Variants in IDH2 observed in about 807,000 individuals in gnomAD.
IDH2 encodes the protein isocitrate dehydrogenase [NADP], mitochondrial.
Under a neutral mutation model 50.5 loss-of-function variants are expected in IDH2, and 18 were observed. The observed-to-expected ratio is 0.36, with a 90% CI of 0.25 to 0.53. The LOEUF (loss-of-function observed/expected upper bound fraction) is 0.53, where lower values mean the gene tolerates loss of function less well. Ranked by LOEUF, IDH2 falls within the 20% of genes least tolerant of loss-of-function variation. The pLI, the probability that IDH2 is intolerant of heterozygous loss-of-function variation, is 0.92. For synonymous variants in IDH2, 280 were observed against 239.8 expected, an observed-to-expected ratio of 1.17 and a Z score of -1.55; for missense variants, 518 against 610.7, an observed-to-expected ratio of 0.85 and a Z score of 1.60.
In IDH2 at chr15:90,088,579, T is replaced by G. The variant is rs1458847012; in HGVS notation, c.534+8A>C. The G allele has an allele frequency of 6.2e-7, 1 of 1,614,200 alleles. No individual in the cohort carries two copies. Among genetic ancestry groups the G allele is most frequent in the African/African-American group, 1.3e-5 (1 of 75,062 alleles). On this transcript the variant is annotated splice_region_variant and intron_variant, in intron 4 of 10. Transcript: ENST00000330062. The stretch of plus-strand genomic sequence containing the variant: ...AGGTCAGTGGATCCCCTCTCCACCC[T>G]GGCCTACCTGGTCGCCATGGGCGTG...
intron 1 of IDH2, among the ~76,000 whole-genome samples, chr15:90,092,112 G>C (rs1021120298): frequency 4.6e-5 from 7 of 152,114 alleles, no homozygotes; most frequent in East Asian, 1.9e-4. Flanking sequence ...AGGACCCCCC[G>C]ATTGTACATT....
In IDH2 at chr15:90,085,652, G is replaced by A. The variant is rs899158045; in HGVS notation, c.968-265C>T. Among the ~76,000 whole-genome samples, 2 of 152,100 alleles carry A rather than the reference G, an allele frequency of 1.3e-5. No individual in the cohort carries two copies. Among genetic ancestry groups the A allele is most frequent in the African/African-American group, 4.8e-5 (2 of 41,416 alleles). ...TCCATCTGTGTCACCAGCTCCAGGC[G>A]CCCCACAGCCTGTGGCCCACAGGGC... On this transcript the variant is annotated intron_variant, in intron 7 of 10. Coordinates refer to ENST00000330062, the MANE Select transcript of IDH2 (RefSeq NM_002168.4). This position sits in a 1 kb window ranked among gnomAD's most constrained non-coding sequence, Gnocchi z 5.5.
At chr15:90,095,161 G>A (rs10459702) in intron 1 of IDH2, among the ~76,000 whole-genome samples, 64,251 of 151,738 alleles carry the variant, frequency 0.42, 15,503 homozygotes, top group Non-Finnish European at 0.56. Context: ...GCAAGATAGA[G>A]CCCAGGTCCC....
In IDH2 at chr15:90,084,078, C is replaced by T; in HGVS notation, c.*188G>A. 1 of 609,326 alleles carries T rather than the reference C, an allele frequency of 1.6e-6. No homozygotes were observed. 37.7% of individuals were successfully genotyped at this position (609,326 alleles called of 1,614,324 possible). A position where few individuals can be genotyped will look rare whatever the true frequency, so the allele number is the denominator to read the frequency against. ...CATACTGACTGGCTGAGGTAAAACG[C>T]ACTGCTCCTGCCTCACGTCACCATG... On this transcript the variant is annotated 3_prime_UTR_variant, in exon 11 of 11. Coordinates refer to ENST00000330062, the MANE Select transcript of IDH2 (RefSeq NM_002168.4). This position sits in a 1 kb window ranked among gnomAD's most constrained non-coding sequence, Gnocchi z 5.0.
chr15:90,091,594 C>T lies in IDH2; in HGVS notation c.166G>A (p.Asp56Asn). 1 of 1,614,212 alleles carries T rather than the reference C, an allele frequency of 6.2e-7. No individual in the cohort carries two copies. ...VAKPVVEMDG[D>N]EMTRIIWQFI... is the part of the protein sequence containing the mutation. ...TGCCAGATAATACGGGTCATCTCAT[C>T]ACCATCCATCTCCACCACGGGCTTC... The change falls in exon 2 of 11, where the codon GAT becomes AAT. Residue 56 changes from aspartate to asparagine, a missense_variant. Transcript: ENST00000330062.
chr15:90,088,417 C>T lies in IDH2; in HGVS notation c.620G>A (p.Trp207Ter). Residue 207 changes from tryptophan to a stop codon, truncating the protein, a stop_gained, in exon 5 of 11, where the codon TGG (tryptophan) becomes TAG (stop). Transcript: ENST00000330062. LOFTEE classifies it high-confidence loss of function. The stretch of plus-strand genomic sequence containing the variant: ...GCCTGCGGGGAAGTTGTACACTTCC[C>T]ACTCCTTGACACCACTGCCATCTTT... ...TPKDGSGVKEWEVYNFPAGGV... is the reference protein window; with the variant it reads ...TPKDGSGVKE The T allele has an allele frequency of 6.2e-7, 1 of 1,614,230 alleles. No individual in the cohort carries two copies. The highest frequency in any genetic ancestry group is 8.5e-7 in the Non-Finnish European group (1 of 1,180,050).
Position 90,098,507 on chromosome 15 carries a change from T to TATGTATGTATGTATGCATGC in IDH2, c.115+3768_115+3769insGCATGCATACATACATACAT, listed in dbSNP as rs1434326363. On this transcript the variant is annotated intron_variant, in intron 1 of 10. Transcript: ENST00000330062. This position sits in a 1 kb window ranked among gnomAD's most constrained non-coding sequence, Gnocchi z 5.1. ...GGACAGCAACTTTGTATATTTTATG[T>TATGTATGTATGTATGCATGC]ATGTATGTATGTATGTATGCATGCA... 2.1e-4 allele frequency among the ~76,000 whole-genome samples: 9 copies of TATGTATGTATGTATGCATGC among 42,680 alleles called. No homozygotes were observed. Among genetic ancestry groups the TATGTATGTATGTATGCATGC allele is most frequent in the Non-Finnish European group, 5.4e-4 (7 of 12,872 alleles). The allele number at this position is 42,680 out of a possible 152,430, so 28.0% of individuals were successfully genotyped here. A position where few individuals can be genotyped will look rare whatever the true frequency, so the allele number is the denominator to read the frequency against.
intron 5 of IDH2, 39 bp downstream of exon 5, chr15:90,088,320 T>C (rs1042218414): frequency 6.2e-7 from 1 of 1,610,060 alleles, no homozygotes; most frequent in African/African-American, 1.3e-5. Flanking sequence ...AGAGACAAGC[T>C]GGGAGAGGAG....
At position 90,100,634 on chromosome 15, in the gene IDH2, G is replaced by A. The variant is rs1307659698; in HGVS notation, c.115+1642C>T. 5.3e-5 allele frequency: 52 copies of A among 985,382 alleles called. No individual in the cohort carries two copies. The highest frequency in any genetic ancestry group is 5.9e-5 in the Non-Finnish European group (49 of 829,892). 61.0% of individuals were successfully genotyped at this position (985,382 alleles called of 1,614,324 possible). A position where few individuals can be genotyped will look rare whatever the true frequency, so the allele number is the denominator to read the frequency against. On this transcript the variant is annotated intron_variant, in intron 1 of 10. Transcript: ENST00000330062. The surrounding 1 kb of genome is among the most constrained non-coding windows in gnomAD (Gnocchi z 4.1). ...GGCGTTGCAAAATAGGAAAAGATGC[G>A]TGCAGGAATTACCAGGCAGCAAAGA...
Position 90,098,069 on chromosome 15 carries a change from A to G in IDH2, c.115+4207T>C, listed in dbSNP as rs527528062. 6.6e-6 allele frequency among the ~76,000 whole-genome samples: 1 copy of G among 152,246 alleles called. No individual in the cohort carries two copies. The highest frequency in any genetic ancestry group is 1.9e-4 in the East Asian group (1 of 5,178). ...GCCATGGTCTGCCCTTCTCTGAGAGATAAGTGGTGACAAGCTACCTGAAAT... is the reference window on the plus strand; with the variant it reads ...GCCATGGTCTGCCCTTCTCTGAGAGGTAAGTGGTGACAAGCTACCTGAAAT... On this transcript the variant is annotated intron_variant, in intron 1 of 10. Coordinates refer to ENST00000330062, the MANE Select transcript of IDH2 (RefSeq NM_002168.4). This position sits in a 1 kb window ranked among gnomAD's most constrained non-coding sequence, Gnocchi z 5.1.
intron 1 of IDH2, among the ~76,000 whole-genome samples, 153 bp downstream of exon 1, chr15:90,102,123 G>A (rs1311732431): frequency 6.6e-6 from 1 of 151,872 alleles, no homozygotes; most frequent in African/African-American, 2.4e-5. Flanking sequence ...GCGGGGGAGC[G>A]CGGAGCGAAG....
intron 3 of IDH2, 112 bp downstream of exon 3, chr15:90,090,367 C>A (rs1428435173): frequency 8.3e-7 from 1 of 1,200,696 alleles, no homozygotes; most frequent in Non-Finnish European, 1.2e-6. Flanking sequence ...AGCCTCCCAA[C>A]CTCCCAGTCC....
At position 90,102,442 on chromosome 15, in the gene IDH2, C is replaced by T; in HGVS notation, c.-52G>A. ...GCGGGAGAGGTCCGAGCGCGCGCCG[C>T]TCCTCCCGGCTGCCTGGCCGCGGGC... On this transcript the variant is annotated 5_prime_UTR_variant, in exon 1 of 11. Coordinates refer to ENST00000330062, the MANE Select transcript of IDH2 (RefSeq NM_002168.4). 9.7e-7 allele frequency: 1 copy of T among 1,034,538 alleles called. No homozygotes were observed. Among genetic ancestry groups the T allele is most frequent in the Non-Finnish European group, 1.2e-6 (1 of 811,358 alleles). 64.1% of individuals were successfully genotyped at this position (1,034,538 alleles called of 1,614,324 possible). A position where few individuals can be genotyped will look rare whatever the true frequency, so the allele number is the denominator to read the frequency against.
intron 1 of IDH2, among the ~76,000 whole-genome samples, chr15:90,095,766 G>A (rs546754915): frequency 4.8e-4 from 73 of 152,280 alleles, no homozygotes; most frequent in Middle Eastern, 3.4e-3. Flanking sequence ...AATGTGGAAG[G>A]GGAAACCTAC....
In IDH2 at chr15:90,083,816, C is replaced by T. The variant is rs935570364; in HGVS notation, c.*450G>A. 2 of 271,478 alleles carry T rather than the reference C, an allele frequency of 7.4e-6. No individual in the cohort carries two copies. Among genetic ancestry groups the T allele is most frequent in the African/African-American group, 4.4e-5 (2 of 45,698 alleles). 16.8% of individuals were successfully genotyped at this position (271,478 alleles called of 1,614,324 possible). ...GTGTCCGAGAACTCCGCAGTGGGCC[C>T]CTGTGGAATGCGGGCTCCCAGGGCT... On this transcript the variant is annotated 3_prime_UTR_variant, in exon 11 of 11. Coordinates refer to ENST00000330062, the MANE Select transcript of IDH2 (RefSeq NM_002168.4).
chr15:90,101,730 C>T (rs1901337301), intron 1 of IDH2, among the ~76,000 whole-genome samples: 1 of 152,120 alleles, frequency 6.6e-6, no homozygotes, highest in South Asian at 2.1e-4. Flanking sequence ...AAGGACGCTC[C>T]TCCAGCTGTC....
rs1439618198 is a variant in IDH2, at chr15:90,085,317, GGCCTCA to G, written c.1032_1037del (p.Glu345_Ala346del). ...AGTGGCGGGTGACGGTCCCATGAGC[GGCCTCA>G]GCCTCAATCGTCTTCCCATCAGGGC... On this transcript the variant is annotated inframe_deletion, in exon 8 of 11. Transcript: ENST00000330062. This position sits in a 1 kb window ranked among gnomAD's most constrained non-coding sequence, Gnocchi z 5.5. 6.4e-7 allele frequency: 1 copy of G among 1,552,278 alleles called. No homozygotes were observed. The highest frequency in any genetic ancestry group is 8.7e-7 in the Non-Finnish European group (1 of 1,147,408).
intron 5 of IDH2, 97 bp from the exon 6 acceptor site, chr15:90,087,672 G>A (rs552868601): frequency 6.3e-6 from 9 of 1,424,024 alleles, no homozygotes; most frequent in Non-Finnish European, 8.9e-6. Flanking sequence ...CTCCAGGAAC[G>A]GTACCCCGCC....
At chr15:90,101,908 C>G (rs114367528) in intron 1 of IDH2, among the ~76,000 whole-genome samples, 2,049 of 152,024 alleles carry the variant, frequency 0.013, 36 homozygotes, top group African/African-American at 0.045. Flanking sequence ...CAGCCCCCCA[C>G]GGGTGCTCGT....
Sources: gnomAD v4.1 joint callset for allele counts (sites outside exome capture counted in the v4.1 genomes callset) on GRCh38, gnomAD v4.1.1 for gene constraint, Gnocchi (gnomAD v3.1) non-coding constraint, MANE v1.5 for transcripts, NCBI Gene and HGNC (gene_info 2026-07-23, HGNC 2026-07-21) for gene names.